Variants in PIEZO2 observed in about 807,000 individuals in gnomAD.
PIEZO2 encodes piezo-type mechanosensitive ion channel component 2.
PIEZO2 carries 172 observed loss-of-function variants against 337.3 expected under a neutral mutation model. That is an observed-to-expected ratio of 0.51 (90% confidence interval 0.45 to 0.58). The LOEUF is 0.58. Among genes scored for constraint, PIEZO2 ranks in the 20% least tolerant of loss-of-function variants. The pLI, the probability that PIEZO2 is intolerant of heterozygous loss-of-function variation, is 0.00. For missense variants in PIEZO2, 3,028 were observed against 3,391.3 expected (o/e 0.89, Z 2.66); for synonymous variants, 1,251 against 1,228.5 (o/e 1.02, Z -0.38).
chr18:11,050,765 C>G (rs189725975), intron 2 of PIEZO2, among the ~76,000 whole-genome samples: 1 of 148,056 alleles, frequency 6.8e-6, no homozygotes, highest in South Asian at 2.1e-4. Context: ...TTCTGCCTCT[C>G]CAAATGTTGG....
At chr18:10,905,949 C>G (rs2043165360) in intron 4 of PIEZO2, among the ~76,000 whole-genome samples, 1 of 152,136 alleles carries the variant, frequency 6.6e-6, no homozygotes, top group African/African-American at 2.4e-5. Flanking sequence ...AGAGGTCATG[C>G]TCCTGGGAGT....
Position 10,671,381 on chromosome 18 carries a change from A to G in PIEZO2, c.*146T>C. The G allele has an allele frequency of 1.2e-6, 1 of 826,006 alleles. No individual in the cohort carries two copies. The highest frequency in any genetic ancestry group is 1.8e-6 in the Non-Finnish European group (1 of 558,060). 51.2% of individuals were successfully genotyped at this position (826,006 alleles called of 1,614,324 possible). ...TAACTTGCAAGGTAGCTTTTACTGC[A>G]GAAGGATATCAGCTCCTTTTGTCTA... On this transcript the variant is annotated 3_prime_UTR_variant, in exon 56 of 56. Transcript: ENST00000674853.
At chr18:11,147,075 T>A (rs1290261752) in intron 1 of PIEZO2, among the ~76,000 whole-genome samples, 1 of 152,156 alleles carries the variant, frequency 6.6e-6, no homozygotes, top group African/African-American at 2.4e-5. Context: ...ACAGAGATGA[T>A]CCCTGAGCAG....
chr18:10,939,693 C>A (rs2032616795), intron 3 of PIEZO2, among the ~76,000 whole-genome samples: 1 of 152,122 alleles, frequency 6.6e-6, no homozygotes, highest in South Asian at 2.1e-4. Context: ...CGCATGTTCT[C>A]ACTCATAAGT....
chr18:11,044,241 T>C (rs961938361), intron 2 of PIEZO2, among the ~76,000 whole-genome samples: 1 of 151,002 alleles, frequency 6.6e-6, no homozygotes, highest in African/African-American at 2.4e-5. Flanking sequence ...CCTCAGGAAA[T>C]TGTTGTATTA....
intron 7 of PIEZO2, among the ~76,000 whole-genome samples, chr18:10,845,991 G>A (rs1450406694): frequency 6.6e-6 from 1 of 152,154 alleles, no homozygotes; most frequent in African/African-American, 2.4e-5. Context: ...TGGATGGATT[G>A]AGGCAGTGGG....
chr18:10,999,175 A>G (rs2035445194), intron 2 of PIEZO2, among the ~76,000 whole-genome samples: 1 of 147,038 alleles, frequency 6.8e-6, no homozygotes. Flanking sequence ...CTCAGTGGAA[A>G]GGCAACAGCA....
intron 1 of PIEZO2, among the ~76,000 whole-genome samples, chr18:11,088,523 T>G (rs2038976779): frequency 6.6e-6 from 1 of 152,216 alleles, no homozygotes; most frequent in Admixed American, 6.5e-5. Flanking sequence ...TCTAGTTTTT[T>G]AAATTCTTTG....
intron 7 of PIEZO2, among the ~76,000 whole-genome samples, chr18:10,849,366 G>A (rs1307101595): frequency 2.0e-5 from 3 of 152,192 alleles, no homozygotes; most frequent in Admixed American, 1.3e-4. Context: ...CGCAGGCTGT[G>A]ATGTGCGGCC....
At position 10,945,118 on chromosome 18, in the gene PIEZO2, A is replaced by G. The variant is rs2032949901; in HGVS notation, c.287-33890T>C. Among the ~76,000 whole-genome samples the G allele has an allele frequency of 6.6e-6, 1 of 152,228 alleles. No homozygotes were observed. Among genetic ancestry groups the G allele is most frequent in the Non-Finnish European group, 1.5e-5 (1 of 68,036 alleles). ...CCCCGGAGATCTGTGAATTCAGCCA[A>G]GTAGTGACCAGTACATGCATGTGAG... is the stretch of plus-strand genomic sequence containing the variant. On this transcript the variant is annotated intron_variant, in intron 3 of 55. Transcript: ENST00000674853. The surrounding 1 kb of genome is among the most constrained non-coding windows in gnomAD (Gnocchi z 4.0).
chr18:10,875,146 T>G (rs2042237844), intron 4 of PIEZO2, among the ~76,000 whole-genome samples: 1 of 152,152 alleles, frequency 6.6e-6, no homozygotes, highest in African/African-American at 2.4e-5. Context: ...GAAAGCTTAA[T>G]TTTTACAAAT....
In PIEZO2 at chr18:10,800,409, C is replaced by T. The variant is rs988662988; in HGVS notation, c.1306G>A (p.Glu436Lys). ...AGGTCGGCTTTGCCAGGGCCGTTCT[C>T]CATGGGCAGGCTTGGGTGGATGGTG... ...YHTIHPSLPM[E>K]NGPGKADLYS... is the part of the protein sequence containing the mutation. The change falls in exon 11 of 56, where the codon GAG (glutamate) becomes AAG (lysine). Residue 436 changes from glutamate (E) to lysine (K), a missense_variant. Glu to Lys is a moderately conservative substitution (Grantham distance 56). Coordinates refer to ENST00000674853, the MANE Select transcript of PIEZO2 (RefSeq NM_001378183.1). 6.5e-6 allele frequency: 10 copies of T among 1,536,178 alleles called. No homozygotes were observed. In the South Asian group the frequency reaches 1.2e-4, roughly 18 times the overall value.
At chr18:10,690,169 G>GTA (rs1272154969) in intron 48 of PIEZO2, among the ~76,000 whole-genome samples, 6 of 152,168 alleles carry the variant, frequency 3.9e-5, no homozygotes, top group Non-Finnish European at 7.4e-5. Context: ...TGAGTTAGTA[G>GTA]GGGTGGTGCA....
chr18:11,004,764 A>C (rs1346758582), intron 2 of PIEZO2, among the ~76,000 whole-genome samples: 1 of 152,230 alleles, frequency 6.6e-6, no homozygotes, highest in Non-Finnish European at 1.5e-5. Flanking sequence ...AAAATGTGTA[A>C]TTTCCTAAAG....
chr18:11,037,695 T>C (rs1306263930), intron 2 of PIEZO2, among the ~76,000 whole-genome samples: 2 of 152,230 alleles, frequency 1.3e-5, no homozygotes, highest in African/African-American at 2.4e-5. Flanking sequence ...ACCACTTTGC[T>C]GTTAAACACA....
intron 2 of PIEZO2, among the ~76,000 whole-genome samples, chr18:11,059,871 A>T (rs896638149): frequency 3.9e-5 from 6 of 152,214 alleles, no homozygotes; most frequent in African/African-American, 7.2e-5. Context: ...TAACAAGGAT[A>T]TCCAGGAATT....
At chr18:10,836,856 G>A (rs1436189924) in intron 7 of PIEZO2, among the ~76,000 whole-genome samples, 1 of 152,176 alleles carries the variant, frequency 6.6e-6, no homozygotes, top group Non-Finnish European at 1.5e-5. Flanking sequence ...GATTTGGAGT[G>A]GTGGTTGGGA....
chr18:11,012,585 T>C (rs536290046), intron 2 of PIEZO2, among the ~76,000 whole-genome samples: 13 of 152,370 alleles, frequency 8.5e-5, no homozygotes, highest in Non-Finnish European at 1.5e-4. Flanking sequence ...CTGATTTCGA[T>C]TGATTTTTTT....
intron 2 of PIEZO2, among the ~76,000 whole-genome samples, chr18:11,052,586 G>A (rs528082920): frequency 6.6e-6 from 1 of 152,214 alleles, no homozygotes; most frequent in South Asian, 2.1e-4. Context: ...TAAGGAGGTG[G>A]CTTTCTAAGA....
Sources: allele counts gnomAD v4.1 joint callset (sites outside exome capture counted in the v4.1 genomes callset), GRCh38; gene constraint gnomAD v4.1.1; non-coding constraint Gnocchi (gnomAD v3.1); transcripts MANE v1.5; gene names NCBI Gene and HGNC (gene_info 2026-07-23, HGNC 2026-07-21).